ANKS1A: variants seen among roughly 807,000 people sequenced by gnomAD.
ANKS1A encodes the protein ankyrin repeat and SAM domain-containing protein 1A.
A neutral mutation model predicts 120.3 loss-of-function variants in ANKS1A; 55 were observed. The ratio of observed to expected loss-of-function variants is 0.46; its 90% CI spans 0.37 to 0.57. The LOEUF is 0.57. Ranked by LOEUF, ANKS1A falls within the 20% of genes least tolerant of loss-of-function variation. The pLI is 0.00. For missense variants in ANKS1A, 1,123 were observed against 1,480.3 expected (o/e 0.76, Z 3.96); for synonymous variants, 590 against 604.7 (o/e 0.98, Z 0.36).
chr6:35,073,041 C>T (rs1561956648), intron 13 of ANKS1A, among the ~76,000 whole-genome samples: 1 of 152,236 alleles, frequency 6.6e-6, no homozygotes, highest in East Asian at 1.9e-4. Context: ...GCCTCAGTTT[C>T]TTTCTGTGTA....
intron 2 of ANKS1A, among the ~76,000 whole-genome samples, chr6:34,969,389 G>A (rs971242162): frequency 6.6e-6 from 1 of 152,180 alleles, no homozygotes; most frequent in Admixed American, 6.5e-5. Context: ...CAAGTAGCTG[G>A]AATTATAGGT....
At chr6:34,890,214 C>T (rs1163402108) in intron 1 of ANKS1A, among the ~76,000 whole-genome samples, 1 of 152,104 alleles carries the variant, frequency 6.6e-6, no homozygotes, top group Non-Finnish European at 1.5e-5. Flanking sequence ...GCCTCTGCCT[C>T]CCAAGTAGCT....
Position 34,907,814 on chromosome 6 carries a change from G to A in ANKS1A, c.197+18215G>A, listed in dbSNP as rs558374715. ...TATAGATAGCTTTCTGAATTGCTTTGCCTTAGTTCCTTCATCTATAATAAT... is the reference window on the plus strand; with the variant it reads ...TATAGATAGCTTTCTGAATTGCTTTACCTTAGTTCCTTCATCTATAATAAT... On this transcript the variant is annotated intron_variant, in intron 1 of 23. Coordinates refer to ENST00000360359, the MANE Select transcript of ANKS1A (RefSeq NM_015245.3). 2.6e-5 allele frequency among the ~76,000 whole-genome samples: 4 copies of A among 152,270 alleles called. No homozygotes were observed. In the South Asian group the frequency reaches 8.3e-4, roughly 32 times the overall value.
At chr6:34,932,072 A>T (rs1769010664) in intron 1 of ANKS1A, among the ~76,000 whole-genome samples, 1 of 152,240 alleles carries the variant, frequency 6.6e-6, no homozygotes, top group African/African-American at 2.4e-5. Context: ...ATTTTAAGGT[A>T]CAGAGATTGG....
At chr6:35,053,374 G>A (rs547712883) in intron 11 of ANKS1A, among the ~76,000 whole-genome samples, 1 of 152,342 alleles carries the variant, frequency 6.6e-6, no homozygotes, top group South Asian at 2.1e-4. Flanking sequence ...CCATACTGGG[G>A]GCAGCGCTGG....
chr6:35,029,168 G>A (rs181410771), intron 11 of ANKS1A, among the ~76,000 whole-genome samples: 2 of 150,784 alleles, frequency 1.3e-5, no homozygotes, highest in East Asian at 1.9e-4. Context: ...TTTTTTAAAC[G>A]TTGTTATTGA....
At chr6:34,925,909 GCCTCCCATGA>G (rs1768693794) in intron 1 of ANKS1A, among the ~76,000 whole-genome samples, 1 of 152,152 alleles carries the variant, frequency 6.6e-6, no homozygotes, top group Admixed American at 6.5e-5. Context: ...TACAAAGGCA[GCCTCCCATGA>G]CCAAGAATTA....
chr6:34,918,909 T>C (rs998542208), intron 1 of ANKS1A, among the ~76,000 whole-genome samples: 2 of 152,232 alleles, frequency 1.3e-5, no homozygotes, highest in Non-Finnish European at 2.9e-5. Context: ...TGGAGTGCAG[T>C]GGCGCCATCT....
chr6:34,923,664 A>G (rs1011202675), intron 1 of ANKS1A, among the ~76,000 whole-genome samples: 1 of 152,234 alleles, frequency 6.6e-6, no homozygotes, highest in Admixed American at 6.5e-5. Flanking sequence ...ACTCAGGTCT[A>G]TCAAGCTATA....
At chr6:35,020,791 T>C (rs1027884276) in intron 11 of ANKS1A, among the ~76,000 whole-genome samples, 1 of 152,210 alleles carries the variant, frequency 6.6e-6, no homozygotes, top group African/African-American at 2.4e-5. Flanking sequence ...CATTTGCTGA[T>C]ATCACCTGTG....
At chr6:35,078,470 G>A in intron 13 of ANKS1A, 88 bp from the exon 14 acceptor site, 3 of 1,191,520 alleles carry the variant, frequency 2.5e-6, no homozygotes, top group Non-Finnish European at 2.5e-6. Context: ...AGAATTTGGT[G>A]CAGGGCCCTG....
intron 1 of ANKS1A, among the ~76,000 whole-genome samples, chr6:34,964,361 C>T (rs1296422907): frequency 6.6e-6 from 1 of 152,146 alleles, no homozygotes; most frequent in Non-Finnish European, 1.5e-5. Context: ...GAAAGTCTCT[C>T]TTCATCATCT....
rs138192177 is a variant in ANKS1A, at chr6:35,083,186, G to A, written c.2867G>A (p.Arg956Gln). The part of the protein sequence containing the change: ...YLGSMLIKDL[R>Q]GTESTQDACA... ...GGCTCCATGCTGATCAAAGATCTGC[G>A]AGGGACAGAATCCACGCAAGACGCC... Residue 956 changes from arginine to glutamine, a missense_variant, in exon 19 of 24, where the codon CGA becomes CAA. By Grantham distance (43) the Arg-to-Gln change is conservative. Around this residue, in one of 3 missense-constraint regions of ANKS1A, gnomAD observed 904 missense variants for 1,130.4 expected, o/e 0.80. Transcript: ENST00000360359. 7.1e-5 allele frequency: 114 copies of A among 1,614,026 alleles called. 1 individual carries two copies. The highest frequency in any genetic ancestry group is 2.5e-4 in the Admixed American group (15 of 60,004).
chr6:34,978,471 C>T (rs1239225854), intron 3 of ANKS1A, among the ~76,000 whole-genome samples: 4 of 152,146 alleles, frequency 2.6e-5, no homozygotes, highest in African/African-American at 9.7e-5. Flanking sequence ...CCTTAGAATC[C>T]TTTCTTTTCT....
intron 11 of ANKS1A, among the ~76,000 whole-genome samples, chr6:35,031,201 G>T (rs1379262115): frequency 1.3e-5 from 2 of 152,020 alleles, no homozygotes; most frequent in African/African-American, 4.8e-5. Context: ...TTTCTGCCCT[G>T]GAGATACAGC....
chr6:35,054,158 G>C lies in ANKS1A; in HGVS notation c.2070G>C (p.Lys690Asn), dbSNP rs781417953. ...TTGACTTTTCTCAGGAACGGCAGAA[G>C]ATCTCAGGTACCGTACTAAGTGGCC... ...EGIDFSQERQKISGLRTLEQS... is the reference protein window; with the variant it reads ...EGIDFSQERQNISGLRTLEQS... The change falls in exon 12 of 24, where the codon AAG becomes AAC. Residue 690 changes from lysine (K) to asparagine (N), a missense_variant. Physicochemically the swap from Lys to Asn is moderately conservative, Grantham distance 94. Transcript: ENST00000360359. 3.7e-6 allele frequency: 6 copies of C among 1,614,030 alleles called. No individual in the cohort carries two copies. The highest frequency in any genetic ancestry group is 5.1e-6 in the Non-Finnish European group (6 of 1,179,916).
chr6:35,051,322 C>G (rs1775951624), intron 11 of ANKS1A, among the ~76,000 whole-genome samples: 1 of 152,244 alleles, frequency 6.6e-6, no homozygotes, highest in Non-Finnish European at 1.5e-5. Flanking sequence ...CAACTCTGTT[C>G]ACTCTGATGC....
At chr6:35,066,116 G>A (rs761590454) in intron 13 of ANKS1A, among the ~76,000 whole-genome samples, 10 of 152,162 alleles carry the variant, frequency 6.6e-5, no homozygotes, top group Non-Finnish European at 1.5e-4. Flanking sequence ...TCTGTCACGC[G>A]GGCCTTCATT....
At chr6:34,931,447 C>G (rs903940272) in intron 1 of ANKS1A, among the ~76,000 whole-genome samples, 1 of 152,182 alleles carries the variant, frequency 6.6e-6, no homozygotes, top group Admixed American at 6.5e-5. Context: ...CGTGCCCAGC[C>G]TAAGGCTGTT....
Sources: allele counts gnomAD v4.1 joint callset (sites outside exome capture counted in the v4.1 genomes callset), GRCh38; gene constraint gnomAD v4.1.1; regional missense constraint gnomAD v4.1.1; transcripts MANE v1.5; gene names NCBI Gene and HGNC (gene_info 2026-07-23, HGNC 2026-07-21).